The following CHN2 variants were observed in gnomAD, a reference collection of about 807,000 sequenced individuals.
CHN2 encodes the protein beta-chimaerin.
CHN2 carries 35 observed loss-of-function variants against 56.3 expected under a neutral mutation model. That is an observed-to-expected ratio of 0.62 (90% CI 0.47 to 0.82). CHN2 has a LOEUF of 0.82. CHN2 is among the 40% of genes least tolerant of loss of function. CHN2 has a pLI of 0.00. For synonymous variants in CHN2, 210 were observed against 212.8 expected, an observed-to-expected ratio of 0.99 and a Z score of 0.12; for missense variants, 491 against 580.5, an observed-to-expected ratio of 0.85 and a Z score of 1.58.
chr7:29,402,116 C>T lies in CHN2; in HGVS notation c.576+1288C>T, dbSNP rs117891021. 6.3e-3 allele frequency among the ~76,000 whole-genome samples: 962 copies of T among 152,230 alleles called. 8 individuals carry two copies. Among genetic ancestry groups the T allele is most frequent in the Admixed American group, 0.01 (158 of 15,296 alleles). ...GTGTCAATGGGAAGCAAAGGAGCCT[C>T]GGGCTGATGGATTCGGGACTGGCAT... On this transcript the variant is annotated intron_variant, in intron 6 of 12. Transcript: ENST00000222792.
chr7:29,481,183 C>T (rs2128543429), intron 7 of CHN2, among the ~76,000 whole-genome samples: 1 of 152,236 alleles, frequency 6.6e-6, no homozygotes, highest in Admixed American at 6.5e-5. Flanking sequence ...AGAGGCTTCA[C>T]CCCAAAAAGT....
intron 2 of CHN2, among the ~76,000 whole-genome samples, chr7:29,356,015 T>C (rs1054521906): frequency 5.9e-5 from 9 of 151,896 alleles, no homozygotes; most frequent in African/African-American, 2.2e-4. Context: ...ACTCCTGAGC[T>C]CAGGCAATCC....
intron 1 of CHN2, among the ~76,000 whole-genome samples, chr7:29,219,376 A>C (rs1199731317): frequency 6.6e-6 from 1 of 152,222 alleles, no homozygotes; most frequent in Non-Finnish European, 1.5e-5. Flanking sequence ...AAGGGAGAAA[A>C]AATATTTTTA....
chr7:29,302,273 T>C (rs111523081), intron 1 of CHN2, among the ~76,000 whole-genome samples: 4 of 151,192 alleles, frequency 2.6e-5, no homozygotes, highest in African/African-American at 9.8e-5. Context: ...CTCCCTCTTC[T>C]TCCTCCTCTT....
At chr7:29,470,112 T>G (rs1350559687) in intron 6 of CHN2, among the ~76,000 whole-genome samples, 2 of 152,244 alleles carry the variant, frequency 1.3e-5, no homozygotes, top group Non-Finnish European at 2.9e-5. Flanking sequence ...CAGTCTCTTT[T>G]CCAGAGCAGG....
At chr7:29,377,326 A>C (rs2128052970) in intron 3 of CHN2, among the ~76,000 whole-genome samples, 1 of 152,352 alleles carries the variant, frequency 6.6e-6, no homozygotes, top group East Asian at 1.9e-4. Context: ...GCCCCGCCTC[A>C]AATTCAGTCT....
At chr7:29,505,431 A>G (rs1329389269) in intron 10 of CHN2, among the ~76,000 whole-genome samples, 1 of 152,156 alleles carries the variant, frequency 6.6e-6, no homozygotes, top group Non-Finnish European at 1.5e-5. Context: ...TAGAGCCTCT[A>G]CTTTGTAGTG....
At chr7:29,172,804 G>A (rs1796774747) in intron 2 of CHN2, among the ~76,000 whole-genome samples, 1 of 151,738 alleles carries the variant, frequency 6.6e-6, no homozygotes, top group South Asian at 2.1e-4. Flanking sequence ...GTTTCCAGCT[G>A]TATGACTCAC....
chr7:29,355,902 G>A (rs1003935241), intron 2 of CHN2, among the ~76,000 whole-genome samples: 3 of 143,604 alleles, frequency 2.1e-5, no homozygotes, highest in South Asian at 2.3e-4. Context: ...TGCCCCCTCA[G>A]CCTCCCAAGT....
intron 2 of CHN2, among the ~76,000 whole-genome samples, chr7:29,167,574 G>C (rs1303953726): frequency 6.6e-6 from 1 of 152,096 alleles, no homozygotes; most frequent in Non-Finnish European, 1.5e-5. Context: ...TTTCAACTTT[G>C]CTAAATAACA....
chr7:29,272,403 A>G (rs1276771697), intron 1 of CHN2, among the ~76,000 whole-genome samples: 1 of 152,138 alleles, frequency 6.6e-6, no homozygotes, highest in African/African-American at 2.4e-5. Flanking sequence ...AGAATAAACT[A>G]TTGTGAACCT....
At chr7:29,501,973 A>G (rs909291460) in intron 9 of CHN2, among the ~76,000 whole-genome samples, 8 of 152,326 alleles carry the variant, frequency 5.3e-5, no homozygotes, top group African/African-American at 1.9e-4. Context: ...TATAATATGA[A>G]TGGAATCAAC....
chr7:29,242,677 GAA>G (rs1787773801), intron 1 of CHN2, among the ~76,000 whole-genome samples: 1 of 137,890 alleles, frequency 7.3e-6, no homozygotes, highest in South Asian at 2.3e-4. Context: ...CTTAGATAAA[GAA>G]GGGTACAAGT....
intron 1 of CHN2, among the ~76,000 whole-genome samples, chr7:29,263,065 C>T (rs1021926592): frequency 7.2e-5 from 11 of 152,212 alleles, no homozygotes; most frequent in Non-Finnish European, 1.5e-5. Context: ...TGCATGGTCT[C>T]CCTCTGATGC....
chr7:29,306,404 T>C (rs1252346909), intron 1 of CHN2, among the ~76,000 whole-genome samples: 1 of 152,194 alleles, frequency 6.6e-6, no homozygotes, highest in African/African-American at 2.4e-5. Flanking sequence ...GAGTTGCTTG[T>C]TTAATAAATA....
intron 1 of CHN2, among the ~76,000 whole-genome samples, chr7:29,263,837 CG>C (rs1789817811): frequency 6.6e-6 from 1 of 150,582 alleles, no homozygotes; most frequent in South Asian, 2.1e-4. Context: ...CCGGCCGCCT[CG>C]TCTGAGAAGT....
chr7:29,349,495 ACT>A (rs1797714618), intron 1 of CHN2, among the ~76,000 whole-genome samples: 1 of 151,900 alleles, frequency 6.6e-6, no homozygotes, highest in Non-Finnish European at 1.5e-5. Flanking sequence ...TCAACCGCAA[ACT>A]CTCATTTTCA....
At chr7:29,461,248 A>G (rs1043469346) in intron 6 of CHN2, among the ~76,000 whole-genome samples, 1 of 152,248 alleles carries the variant, frequency 6.6e-6, no homozygotes, top group African/African-American at 2.4e-5. Context: ...TAAAGACAGG[A>G]ATACAGTGAT....
intron 1 of CHN2, among the ~76,000 whole-genome samples, chr7:29,320,917 C>G (rs921716742): frequency 3.3e-5 from 5 of 152,188 alleles, no homozygotes; most frequent in African/African-American, 1.2e-4. Flanking sequence ...GATTTATTCT[C>G]AGGCACCAGA....
Sources: gnomAD v4.1 joint callset for allele counts (sites outside exome capture counted in the v4.1 genomes callset) on GRCh38, gnomAD v4.1.1 for gene constraint, MANE v1.5 for transcripts, NCBI Gene and HGNC (gene_info 2026-07-23, HGNC 2026-07-21) for gene names.